Variants in TBL1XR1 observed in about 807,000 individuals in gnomAD.
TBL1XR1 encodes the protein TBL1X/Y related 1, also known as F-box-like/WD repeat-containing protein TBL1XR1.
Under a neutral mutation model 66.9 loss-of-function variants are expected in TBL1XR1, and 5 were observed. The ratio of observed to expected loss-of-function variants is 0.07; its 90% CI spans 0.04 to 0.16. The LOEUF (loss-of-function observed/expected upper bound fraction) is 0.16, where lower values mean the gene tolerates loss of function less well. Ranked by LOEUF, TBL1XR1 falls within the 10% of genes least tolerant of loss-of-function variation. TBL1XR1 has a pLI of 1.00. For synonymous variants in TBL1XR1, 210 were observed against 206.0 expected, an observed-to-expected ratio of 1.02 and a Z score of -0.17; for missense variants, 238 against 623.2, an observed-to-expected ratio of 0.38 and a Z score of 6.58.
intron 10 of TBL1XR1, 165 bp from the exon 11 acceptor site, chr3:177,038,599 T>C: frequency 1.6e-6 from 1 of 610,796 alleles, no homozygotes; most frequent in Non-Finnish European, 2.5e-6. Context: ...AAAGTATCTA[T>C]ATACAACAAT....
intron 1 of TBL1XR1, among the ~76,000 whole-genome samples, chr3:177,178,904 G>C (rs944458312): frequency 6.6e-6 from 1 of 152,082 alleles, no homozygotes; most frequent in Non-Finnish European, 1.5e-5. Flanking sequence ...GATCACCTGA[G>C]ATCAGGAGAT....
At chr3:177,162,372 G>T (rs1488552442) in intron 1 of TBL1XR1, among the ~76,000 whole-genome samples, 1 of 152,218 alleles carries the variant, frequency 6.6e-6, no homozygotes, top group Non-Finnish European at 1.5e-5. Context: ...AAGGGAGCCT[G>T]CCTGCCGGAA....
chr3:177,125,397 C>A (rs1287409654), intron 1 of TBL1XR1, among the ~76,000 whole-genome samples: 1 of 152,032 alleles, frequency 6.6e-6, no homozygotes, highest in South Asian at 2.1e-4. Flanking sequence ...TAAGGGTTGA[C>A]AAGGATATGA....
intron 1 of TBL1XR1, among the ~76,000 whole-genome samples, chr3:177,124,688 G>A (rs1727395781): frequency 6.6e-6 from 1 of 152,002 alleles, no homozygotes; most frequent in African/African-American, 2.4e-5. Flanking sequence ...GGAACACAGT[G>A]CTTAACTCAC....
intron 1 of TBL1XR1, among the ~76,000 whole-genome samples, chr3:177,184,644 A>C (rs1453221706): frequency 6.6e-6 from 1 of 152,090 alleles, no homozygotes; most frequent in Non-Finnish European, 1.5e-5. Flanking sequence ...TCTACTAAAA[A>C]TACAAAATTA....
chr3:177,035,232 C>A (rs1288537259), intron 12 of TBL1XR1, among the ~76,000 whole-genome samples: 1 of 152,118 alleles, frequency 6.6e-6, no homozygotes, highest in African/African-American at 2.4e-5. Flanking sequence ...TCAACTCTTA[C>A]CTCCCTTGAA....
intron 1 of TBL1XR1, among the ~76,000 whole-genome samples, chr3:177,110,546 G>A (rs1349442672): frequency 1.3e-5 from 2 of 152,096 alleles, no homozygotes; most frequent in African/African-American, 2.4e-5. Flanking sequence ...AGAAGACAAA[G>A]AGGAGGCAAA....
At chr3:177,165,318 T>G (rs949889799) in intron 1 of TBL1XR1, among the ~76,000 whole-genome samples, 2 of 152,166 alleles carry the variant, frequency 1.3e-5, no homozygotes, top group Non-Finnish European at 2.9e-5. Flanking sequence ...AAGATCTATA[T>G]GAAGAAAGTC....
rs1284504914 is a variant in TBL1XR1, at chr3:177,098,556, A to G, written c.-121-15T>C. ...TGTTGTTGATGCTGAGGAAAAGGAA[A>G]GTAAAGTATTCAATGTGCCCTAAAA... On this transcript the variant is annotated splice_polypyrimidine_tract_variant and intron_variant, in intron 1 of 15. Coordinates refer to ENST00000457928, the MANE Select transcript of TBL1XR1 (RefSeq NM_024665.7). The G allele has an allele frequency of 1.0e-6, 1 of 985,316 alleles. No homozygotes were observed. Among genetic ancestry groups the G allele is most frequent in the Non-Finnish European group, 1.2e-6 (1 of 829,562 alleles). 61.0% of individuals were successfully genotyped at this position (985,316 alleles called of 1,614,324 possible).
intron 2 of TBL1XR1, among the ~76,000 whole-genome samples, chr3:177,081,743 CAAAAAA>C (rs34501803): frequency 7.7e-6 from 1 of 129,678 alleles, no homozygotes; most frequent in Admixed American, 7.6e-5. Flanking sequence ...ACCCTGACTT[CAAAAAA>C]AAAAAAAAAA....
chr3:177,196,421 G>C (rs1277692257), intron 1 of TBL1XR1: 2 of 151,732 alleles, frequency 1.3e-5, no homozygotes, highest in Admixed American at 1.3e-4. Context: ...TCCTTAAGAC[G>C]ATAAAAAGCA....
At position 177,185,429 on chromosome 3, in the gene TBL1XR1, C is replaced by T. The variant is rs558549042; in HGVS notation, c.-122+11692G>A. Among the ~76,000 whole-genome samples, 10 of 151,924 alleles carry T rather than the reference C, an allele frequency of 6.6e-5. 1 individual carries two copies. The East Asian group carries it at 1.8e-3, about 27-fold the overall frequency. ...TTCAAGACCAGCCTGGCCAACATGG[C>T]GAAACCCCATTTCTACTTAAGTACA... On this transcript the variant is annotated intron_variant, in intron 1 of 15. Transcript: ENST00000457928.
chr3:177,131,451 T>G, intron 1 of TBL1XR1: 1 of 916,114 alleles, frequency 1.1e-6, no homozygotes, highest in Non-Finnish European at 1.3e-6. Flanking sequence ...TTCCCACACC[T>G]AAAAGTTGAG....
At chr3:177,146,589 C>CAAAAA (rs78065426) in intron 1 of TBL1XR1, among the ~76,000 whole-genome samples, 1,108 of 51,926 alleles carry the variant, frequency 0.021, 95 homozygotes, top group African/African-American at 0.071. Context: ...GACTCCATCT[C>CAAAAA]AAAAAAAAAA....
chr3:177,183,858 TC>T, intron 1 of TBL1XR1, among the ~76,000 whole-genome samples: 1 of 151,926 alleles, frequency 6.6e-6, no homozygotes, highest in African/African-American at 2.4e-5. Context: ...TCCCAGCACT[TC>T]GGGAGGCCAA....
At chr3:177,065,834 A>G (rs1294059127) in intron 2 of TBL1XR1, among the ~76,000 whole-genome samples, 2 of 152,250 alleles carry the variant, frequency 1.3e-5, no homozygotes, top group Non-Finnish European at 2.9e-5. Flanking sequence ...GCAACACACA[A>G]TATGTAAACA....
At chr3:177,170,979 G>C (rs564195233) in intron 1 of TBL1XR1, among the ~76,000 whole-genome samples, 3 of 152,058 alleles carry the variant, frequency 2.0e-5, no homozygotes, top group African/African-American at 7.2e-5. Flanking sequence ...GAAGCCCACT[G>C]AGTGAATAAC....
chr3:177,122,277 T>C (rs1727060802), intron 1 of TBL1XR1, among the ~76,000 whole-genome samples: 1 of 97,106 alleles, frequency 1.0e-5, no homozygotes, highest in Non-Finnish European at 2.1e-5. Context: ...ACATAACTTA[T>C]ATAAGACAGA....
At chr3:177,134,022 C>A (rs1728618394) in intron 1 of TBL1XR1, among the ~76,000 whole-genome samples, 1 of 151,984 alleles carries the variant, frequency 6.6e-6, no homozygotes, top group Admixed American at 6.6e-5. Flanking sequence ...CCCTTTTCTT[C>A]CCCGGGCAAA....
Sources: gnomAD v4.1 joint callset for allele counts (sites outside exome capture counted in the v4.1 genomes callset) on GRCh38, gnomAD v4.1.1 for gene constraint, MANE v1.5 for transcripts, NCBI Gene and HGNC (gene_info 2026-07-23, HGNC 2026-07-21) for gene names.